PRKCH: variants seen among roughly 807,000 people sequenced by gnomAD.
The protein encoded by PRKCH is protein kinase C eta type.
In PRKCH, 28 loss-of-function variants were observed where a neutral mutation model predicts 82.5. That is an observed-to-expected ratio of 0.34 (90% confidence interval 0.25 to 0.47). The LOEUF (loss-of-function observed/expected upper bound fraction) is 0.47, where lower values mean the gene tolerates loss of function less well. Among genes scored for constraint, PRKCH ranks in the 20% least tolerant of loss-of-function variants. PRKCH has a pLI of 1.00. For missense variants in PRKCH, 705 were observed against 881.8 expected (o/e 0.80, Z 2.54); for synonymous variants, 322 against 327.4 (o/e 0.98, Z 0.18).
At chr14:61,430,265 G>A (rs1177728195) in intron 2 of PRKCH, among the ~76,000 whole-genome samples, 1 of 152,186 alleles carries the variant, frequency 6.6e-6, no homozygotes, top group Non-Finnish European at 1.5e-5. Flanking sequence ...AGACCACAAT[G>A]AGATACCACT....
intron 1 of PRKCH, among the ~76,000 whole-genome samples, chr14:61,216,768 A>C (rs1300605714): frequency 2.0e-5 from 3 of 152,236 alleles, no homozygotes; most frequent in African/African-American, 7.2e-5. Context: ...AAGAGCTTTC[A>C]GTTACTCTGT....
At chr14:61,206,161 A>G (rs2140042035) in intron 1 of PRKCH, among the ~76,000 whole-genome samples, 1 of 152,362 alleles carries the variant, frequency 6.6e-6, no homozygotes, top group East Asian at 1.9e-4. Flanking sequence ...TTATTTCTAT[A>G]GCTGCTGTAA....
At chr14:61,512,372 C>T (rs1203484240) in intron 10 of PRKCH, among the ~76,000 whole-genome samples, 2 of 149,736 alleles carry the variant, frequency 1.3e-5, no homozygotes, top group East Asian at 2.0e-4. Context: ...GGCTGAGGTT[C>T]TGGAACTGTG....
Position 61,370,880 on chromosome 14 carries a change from G to A in PRKCH, c.364-20345G>A, listed in dbSNP as rs903050783. ...GGTGTGGATAACACCAAACACTGCAGTATGGAAACTAGCGCAAAATGGGAT... is the reference window on the plus strand; with the variant it reads ...GGTGTGGATAACACCAAACACTGCAATATGGAAACTAGCGCAAAATGGGAT... On this transcript the variant is annotated intron_variant, in intron 1 of 13. Coordinates refer to ENST00000332981, the MANE Select transcript of PRKCH (RefSeq NM_006255.5). 2.6e-5 allele frequency among the ~76,000 whole-genome samples: 4 copies of A among 152,166 alleles called. No individual in the cohort carries two copies. The East Asian group carries it at 7.7e-4, about 29-fold the overall frequency.
intron 10 of PRKCH, among the ~76,000 whole-genome samples, chr14:61,521,389 CT>C (rs956025901): frequency 1.3e-5 from 2 of 151,898 alleles, no homozygotes; most frequent in East Asian, 3.9e-4. Context: ...CATAATTTAG[CT>C]TTTTTTCAAA....
chr14:61,401,692 A>G (rs1881629454), intron 2 of PRKCH, among the ~76,000 whole-genome samples: 1 of 152,348 alleles, frequency 6.6e-6, no homozygotes. Context: ...AACAGTAAAC[A>G]TTATTCATGT....
At chr14:61,535,857 T>C (rs1258254319) in intron 12 of PRKCH, among the ~76,000 whole-genome samples, 2 of 152,218 alleles carry the variant, frequency 1.3e-5, no homozygotes, top group African/African-American at 4.8e-5. Flanking sequence ...ATATTGGGCA[T>C]GTGTCAGTAA....
intron 12 of PRKCH, chr14:61,543,735 G>A (rs912168800): frequency 6.6e-6 from 1 of 152,172 alleles, no homozygotes; most frequent in Non-Finnish European, 1.5e-5. Flanking sequence ...CTGGCATTTG[G>A]GTCCCATTAG....
intron 1 of PRKCH, among the ~76,000 whole-genome samples, chr14:61,259,264 A>G (rs1424012216): frequency 6.6e-6 from 1 of 152,204 alleles, no homozygotes; most frequent in African/African-American, 2.4e-5. Context: ...TCTGATGGTA[A>G]GTAGAGCAGA....
At chr14:61,293,688 G>T (rs2045382663) in intron 1 of PRKCH, among the ~76,000 whole-genome samples, 1 of 152,148 alleles carries the variant, frequency 6.6e-6, no homozygotes, top group South Asian at 2.1e-4. Context: ...ATTTTTTATT[G>T]TGCTAAATAA....
chr14:61,366,465 C>T (rs2140167417), intron 1 of PRKCH, among the ~76,000 whole-genome samples: 1 of 152,156 alleles, frequency 6.6e-6, no homozygotes, highest in East Asian at 1.9e-4. Flanking sequence ...GAAGCCAGAT[C>T]CAAACTTAGA....
intron 1 of PRKCH, among the ~76,000 whole-genome samples, chr14:61,358,287 T>C (rs1012419468): frequency 6.6e-5 from 10 of 152,214 alleles, no homozygotes; most frequent in African/African-American, 2.4e-4. Flanking sequence ...CTGGAATAAA[T>C]GTTAGCTGCT....
At chr14:61,379,290 G>A (rs1033951281) in intron 1 of PRKCH, among the ~76,000 whole-genome samples, 2 of 151,706 alleles carry the variant, frequency 1.3e-5, no homozygotes, top group African/African-American at 4.9e-5. Context: ...TGGAGCTTTC[G>A]TCTCCTTCCC....
intron 9 of PRKCH, among the ~76,000 whole-genome samples, chr14:61,464,513 C>T (rs1486239871): frequency 6.6e-6 from 1 of 152,084 alleles, no homozygotes; most frequent in African/African-American, 2.4e-5. Flanking sequence ...TTTTAAGCCC[C>T]GAATGCATTA....
intron 1 of PRKCH, among the ~76,000 whole-genome samples, chr14:61,346,628 G>A (rs1038329153): frequency 6.6e-6 from 1 of 152,198 alleles, no homozygotes; most frequent in African/African-American, 2.4e-5. Flanking sequence ...CAAGGAGCTT[G>A]TCTTATAGGG....
chr14:61,340,994 A>G (rs1366869233), intron 1 of PRKCH, among the ~76,000 whole-genome samples: 1 of 152,206 alleles, frequency 6.6e-6, no homozygotes, highest in African/African-American at 2.4e-5. Context: ...TATCATACAT[A>G]TGGATTATTG....
At chr14:61,454,851 G>A (rs978731288) in intron 7 of PRKCH, among the ~76,000 whole-genome samples, 1 of 152,100 alleles carries the variant, frequency 6.6e-6, no homozygotes, top group African/African-American at 2.4e-5. Context: ...AGATCTGAAC[G>A]GTGTAGCTTG....
intron 12 of PRKCH, among the ~76,000 whole-genome samples, chr14:61,542,132 A>G (rs1428856950): frequency 6.6e-6 from 1 of 152,044 alleles, no homozygotes; most frequent in Non-Finnish European, 1.5e-5. Context: ...TCTACTAAAA[A>G]TACAAAAATT....
chr14:61,188,704 A>AGT (rs754540967), intron 1 of PRKCH, among the ~76,000 whole-genome samples: 1,172 of 87,332 alleles, frequency 0.013, 89 homozygotes, highest in Non-Finnish European at 0.016. Context: ...ACGTTGCTGT[A>AGT]GTGTGTGTGT....
Sources: allele counts gnomAD v4.1 joint callset (sites outside exome capture counted in the v4.1 genomes callset), GRCh38; gene constraint gnomAD v4.1.1; transcripts MANE v1.5; gene names NCBI Gene and HGNC (gene_info 2026-07-23, HGNC 2026-07-21).